ADAMTS18: variants seen among roughly 807,000 people sequenced by gnomAD.
ADAMTS18 encodes ADAM metallopeptidase with thrombospondin type 1 motif 18, also known as A disintegrin and metalloproteinase with thrombospondin motifs 18.
Under a neutral mutation model 165.9 loss-of-function variants are expected in ADAMTS18, and 157 were observed. That is an observed-to-expected ratio of 0.95 (90% CI 0.83 to 1.08). The LOEUF is 1.08. ADAMTS18 is among the 50% of genes least tolerant of loss of function. ADAMTS18 has a pLI of 0.00. For missense variants in ADAMTS18, 2,040 were observed against 1,534.0 expected (o/e 1.33, Z -5.51); for synonymous variants, 782 against 578.2 (o/e 1.35, Z -5.06).
Position 77,353,840 on chromosome 16 carries a change from G to A in ADAMTS18, c.1507C>T (p.Gln503Ter). ...CLVDEPKQAG[Q>*]YKYPDKLPGQ... ...GGTAGTTTGTCCGGATATTTATACT[G>A]TCCTGCTTGCTTGGGCTCATCCACT... Residue 503 changes from glutamine (Q) to a stop codon, truncating the protein, a stop_gained, in exon 10 of 23, where the codon CAG becomes TAG. Coordinates refer to ENST00000282849, the MANE Select transcript of ADAMTS18 (RefSeq NM_199355.4). LOFTEE classifies it high-confidence loss of function. 6.2e-7 allele frequency: 1 copy of A among 1,614,118 alleles called. No individual in the cohort carries two copies. Among genetic ancestry groups the A allele is most frequent in the Non-Finnish European group, 8.5e-7 (1 of 1,180,026 alleles).
chr16:77,418,110 G>T (rs2057553811), intron 3 of ADAMTS18, among the ~76,000 whole-genome samples: 1 of 152,118 alleles, frequency 6.6e-6, no homozygotes, highest in Non-Finnish European at 1.5e-5. Context: ...TTGTCATGCT[G>T]TGAAATTCAA....
intron 11 of ADAMTS18, among the ~76,000 whole-genome samples, chr16:77,338,201 G>C (rs898484976): frequency 6.6e-6 from 1 of 151,992 alleles, no homozygotes; most frequent in Non-Finnish European, 1.5e-5. Context: ...ACCGCGCCTG[G>C]CTCCATCTTT....
intron 5 of ADAMTS18, 50 bp downstream of exon 5, chr16:77,364,138 G>C: frequency 6.2e-7 from 1 of 1,608,310 alleles, no homozygotes; most frequent in Non-Finnish European, 8.5e-7. Context: ...AGAATTCCAT[G>C]ACATTTATTT....
Position 77,390,404 on chromosome 16 carries a change from C to T in ADAMTS18, c.496-22681G>A, listed in dbSNP as rs909117306. Among the ~76,000 whole-genome samples, 4 of 152,064 alleles carry T rather than the reference C, an allele frequency of 2.6e-5. 1 individual carries two copies. The South Asian group carries it at 6.2e-4, about 24-fold the overall frequency. ...TTTTATCATCTGCAAAGAATCACCC[C>T]GCCCTTGCCAGGTGCGATGGCTCAC... On this transcript the variant is annotated intron_variant, in intron 3 of 22. Coordinates refer to ENST00000282849, the MANE Select transcript of ADAMTS18 (RefSeq NM_199355.4).
At chr16:77,288,900 C>A (rs971922732) in intron 22 of ADAMTS18, among the ~76,000 whole-genome samples, 2 of 152,146 alleles carry the variant, frequency 1.3e-5, no homozygotes, top group African/African-American at 2.4e-5. Context: ...GCCTGGCCAA[C>A]ATGGTGAAAC....
rs531575215 is a variant in ADAMTS18, at chr16:77,344,297, G to A, written c.1615-2498C>T. 2.0e-4 allele frequency among the ~76,000 whole-genome samples: 30 copies of A among 151,972 alleles called. 1 individual carries two copies. The South Asian group carries it at 5.6e-3, about 28-fold the overall frequency. On this transcript the variant is annotated intron_variant, in intron 10 of 22. Transcript: ENST00000282849. The stretch of plus-strand genomic sequence containing the variant: ...CACCAGCTGCCCCAGATGTGGGCAC[G>A]TGTACCATTCCCAAATCTCAAAACA...
chr16:77,374,163 G>T (rs1183326389), intron 3 of ADAMTS18, among the ~76,000 whole-genome samples: 1 of 149,900 alleles, frequency 6.7e-6, no homozygotes, highest in African/African-American at 2.5e-5. Flanking sequence ...AGTTTGCAGC[G>T]CACTGAGATT....
chr16:77,356,189 G>A, intron 8 of ADAMTS18, 112 bp from the exon 9 acceptor site: 3 of 1,416,758 alleles, frequency 2.1e-6, no homozygotes, highest in Non-Finnish European at 3.0e-6. Context: ...GTGAGAGACA[G>A]AGTTATTAAA....
intron 16 of ADAMTS18, among the ~76,000 whole-genome samples, chr16:77,309,914 C>T (rs1385659492): frequency 6.6e-6 from 1 of 152,226 alleles, no homozygotes; most frequent in Non-Finnish European, 1.5e-5. Context: ...TTAGGAAGCA[C>T]ATTGATTCCT....
chr16:77,364,797 G>GAAAGA (rs1027657063), intron 4 of ADAMTS18, among the ~76,000 whole-genome samples: 37 of 148,592 alleles, frequency 2.5e-4, no homozygotes, highest in South Asian at 1.9e-3. Flanking sequence ...CAAAGCAAAG[G>GAAAGA]AAAGAAAAGA....
chr16:77,319,274 C>A (rs1350909037), intron 16 of ADAMTS18, among the ~76,000 whole-genome samples: 2 of 152,126 alleles, frequency 1.3e-5, no homozygotes, highest in Non-Finnish European at 2.9e-5. Context: ...ATTCTTGCTA[C>A]ATTCTTTGGC....
In ADAMTS18 at chr16:77,399,670, G is replaced by T. The variant is rs144528343; in HGVS notation, c.495+31625C>A. Among the ~76,000 whole-genome samples, 99 of 152,284 alleles carry T rather than the reference G, an allele frequency of 6.5e-4. 1 individual carries two copies. The highest frequency in any genetic ancestry group is 2.1e-3 in the African/African-American group (87 of 41,556). ...TTCATAGAGTTGTCTGGGGCTGCAAGTAATATGCTGCCGAGCACAAAGTAG... is the reference window on the plus strand; with the variant it reads ...TTCATAGAGTTGTCTGGGGCTGCAATTAATATGCTGCCGAGCACAAAGTAG... On this transcript the variant is annotated intron_variant, in intron 3 of 22. Coordinates refer to ENST00000282849, the MANE Select transcript of ADAMTS18 (RefSeq NM_199355.4).
At chr16:77,415,654 G>A (rs1033365529) in intron 3 of ADAMTS18, among the ~76,000 whole-genome samples, 1 of 150,998 alleles carries the variant, frequency 6.6e-6, no homozygotes, top group African/African-American at 2.4e-5. Flanking sequence ...TTGAGGAAGA[G>A]GTGGGGAGGG....
chr16:77,410,292 G>GAA (rs11376240), intron 3 of ADAMTS18, among the ~76,000 whole-genome samples: 166 of 141,270 alleles, frequency 1.2e-3, no homozygotes, highest in Admixed American at 1.5e-3. Context: ...ACCCAAATTT[G>GAA]AAAAAAAAAA....
At chr16:77,366,437 A>G (rs1197920679) in intron 4 of ADAMTS18, among the ~76,000 whole-genome samples, 4 of 152,172 alleles carry the variant, frequency 2.6e-5, no homozygotes, top group Non-Finnish European at 5.9e-5. Flanking sequence ...GTGCGCCTAT[A>G]ATTCCACCTA....
Position 77,295,049 on chromosome 16 carries a change from T to C in ADAMTS18, c.2880A>G (p.Gln960=), listed in dbSNP as rs1453295690. The change falls in exon 19 of 23, where the codon CAA becomes CAG. Residue 960 remains glutamine, a synonymous_variant. Transcript: ENST00000282849. The part of the protein sequence containing the change: ...GQQSRKIQCV[Q]KKPFQKEEAV... ...CTTCCTCCTTTTGGAAGGGCTTCTTTTGCACACACTGGATCTTTCGGCTCT... is the reference window on the plus strand; with the variant it reads ...CTTCCTCCTTTTGGAAGGGCTTCTTCTGCACACACTGGATCTTTCGGCTCT... 1 of 1,614,184 alleles carries C rather than the reference T, an allele frequency of 6.2e-7. No homozygotes were observed. The highest frequency in any genetic ancestry group is 8.5e-7 in the Non-Finnish European group (1 of 1,180,032).
chr16:77,365,179 A>G lies in ADAMTS18; in HGVS notation c.779-798T>C, dbSNP rs200849459. ...GGGTGACAGAGTGAGATTTCATCTC[A>G]AACAACAAAAACAAGCTATAATTCT... On this transcript the variant is annotated intron_variant, in intron 4 of 22. Transcript: ENST00000282849. 1.1e-4 allele frequency among the ~76,000 whole-genome samples: 16 copies of G among 151,598 alleles called. No individual in the cohort carries two copies. In the South Asian group the frequency reaches 2.7e-3, roughly 26 times the overall value.
At chr16:77,430,855 G>T (rs1472037031) in intron 3 of ADAMTS18, among the ~76,000 whole-genome samples, 4 of 152,154 alleles carry the variant, frequency 2.6e-5, no homozygotes, top group Non-Finnish European at 5.9e-5. Context: ...AAGACAAAAG[G>T]CCTCCCTTCA....
chr16:77,397,692 T>C (rs1040232577), intron 3 of ADAMTS18, among the ~76,000 whole-genome samples: 1 of 152,258 alleles, frequency 6.6e-6, no homozygotes, highest in Non-Finnish European at 1.5e-5. Flanking sequence ...GACATGTGCT[T>C]TGTTTTGCCC....
Sources: allele counts gnomAD v4.1 joint callset (sites outside exome capture counted in the v4.1 genomes callset), GRCh38; gene constraint gnomAD v4.1.1; transcripts MANE v1.5; gene names NCBI Gene and HGNC (gene_info 2026-07-23, HGNC 2026-07-21).